NCKAP5: variants seen among roughly 807,000 people sequenced by gnomAD.
The protein encoded by NCKAP5 is NCK associated protein 5.
In NCKAP5, 92 loss-of-function variants were observed where a neutral mutation model predicts 167.0. The ratio of observed to expected loss-of-function variants is 0.55; its 90% confidence interval spans 0.47 to 0.66. NCKAP5 has a LOEUF of 0.66. Among genes scored for constraint, NCKAP5 ranks in the 30% least tolerant of loss-of-function variants. The probability of loss-of-function intolerance (pLI) is 0.00; values close to 1 mark genes in which losing one functional copy is unlikely to be tolerated. For missense variants in NCKAP5, 2,378 were observed against 2,315.0 expected (o/e 1.03, Z -0.56); for synonymous variants, 891 against 877.4 (o/e 1.02, Z -0.27).
At chr2:133,060,148 T>C (rs2079948785) in intron 6 of NCKAP5, among the ~76,000 whole-genome samples, 1 of 152,208 alleles carries the variant, frequency 6.6e-6, no homozygotes, top group Non-Finnish European at 1.5e-5. Context: ...GAAAATCATC[T>C]CAAGAGCTGA....
chr2:133,647,419 G>GGAAGGAAGGA, the NCKAP5 span, among the ~76,000 whole-genome samples: 1 of 94,948 alleles, frequency 1.1e-5, no homozygotes, highest in East Asian at 3.5e-4. Flanking sequence ...AAGGAAGGAA[G>GGAAGGAAGGA]AGAAAGAAAG....
At chr2:133,317,137 G>A (rs993664176) in intron 3 of NCKAP5, among the ~76,000 whole-genome samples, 1 of 152,118 alleles carries the variant, frequency 6.6e-6, no homozygotes, top group South Asian at 2.1e-4. Context: ...AAATAAACGT[G>A]TATCACCAAT....
chr2:132,684,120 A>G (rs1290997754), intron 19 of NCKAP5, among the ~76,000 whole-genome samples: 3 of 152,230 alleles, frequency 2.0e-5, no homozygotes, highest in Non-Finnish European at 4.4e-5. Flanking sequence ...TGCTACAATA[A>G]AAATAAACTT....
At chr2:133,481,010 A>C (rs575507967) in intron 3 of NCKAP5, among the ~76,000 whole-genome samples, 25 of 152,228 alleles carry the variant, frequency 1.6e-4, no homozygotes, top group Non-Finnish European at 4.4e-5. Context: ...CCACCAAAAA[A>C]CCCGAACTGA....
the NCKAP5 span, among the ~76,000 whole-genome samples, chr2:133,644,989 A>C: frequency 6.6e-6 from 1 of 152,204 alleles, no homozygotes; most frequent in Non-Finnish European, 1.5e-5. Context: ...CTAGCACATA[A>C]ATATAAAAGC....
intron 10 of NCKAP5, among the ~76,000 whole-genome samples, chr2:132,860,986 G>T (rs1012742151): frequency 6.6e-6 from 1 of 152,052 alleles, no homozygotes; most frequent in Non-Finnish European, 1.5e-5. Context: ...CAGTGTTTCT[G>T]CAGGGAATAG....
At chr2:133,086,006 C>T (rs2080977949) in intron 6 of NCKAP5, among the ~76,000 whole-genome samples, 1 of 152,136 alleles carries the variant, frequency 6.6e-6, no homozygotes, top group African/African-American at 2.4e-5. Flanking sequence ...TCAATACTTG[C>T]TACCAGAATC....
At chr2:133,047,575 GA>G (rs1559085030) in intron 6 of NCKAP5, among the ~76,000 whole-genome samples, 1 of 152,182 alleles carries the variant, frequency 6.6e-6, no homozygotes, top group African/African-American at 2.4e-5. Flanking sequence ...CTTTAAACCT[GA>G]AAAGCCTCAT....
At position 132,950,894 on chromosome 2, in the gene NCKAP5, A is replaced by G. The variant is rs957855273; in HGVS notation, c.579+12826T>C. On this transcript the variant is annotated intron_variant, in intron 8 of 19. Coordinates refer to ENST00000409261, the MANE Select transcript of NCKAP5 (RefSeq NM_207363.3). The stretch of plus-strand genomic sequence containing the variant: ...AGGAACCTAAGAAGCAAAAAACAAA[A>G]CAAAGCAAAACAAAACAGAAACAGA... Among the ~76,000 whole-genome samples, 3 of 152,162 alleles carry G rather than the reference A, an allele frequency of 2.0e-5. No individual in the cohort carries two copies. The East Asian group carries it at 5.8e-4, about 29-fold the overall frequency.
At position 132,784,937 on chromosome 2, in the gene NCKAP5, T is replaced by C; in HGVS notation, c.1874A>G (p.Lys625Arg). 1 of 1,599,562 alleles carries C rather than the reference T, an allele frequency of 6.3e-7. No individual in the cohort carries two copies. The highest frequency in any genetic ancestry group is 2.2e-5 in the East Asian group (1 of 44,750). Residue 625 changes from lysine (K) to arginine (R), a missense_variant, in exon 14 of 20, where the codon AAA becomes AGA. This residue lies in a region of NCKAP5 where 1,049 missense variants were observed against 1,023.4 expected (regional missense o/e 1.02). Transcript: ENST00000409261. ...ENLDVLVGFG[K>R]SLCGSPEEEE... ...CTCTTCAGGAGACCCACATAGAGAT[T>C]TTCCAAACCCCACAAGGACATCCAG...
chr2:133,492,143 T>TTGTGTGTG (rs780998843), intron 3 of NCKAP5, among the ~76,000 whole-genome samples: 6,977 of 84,494 alleles, frequency 0.083, 291 homozygotes, highest in Non-Finnish European at 0.11. Context: ...CATATCTAGT[T>TTGTGTGTG]AGTGTGTGTG....
intron 10 of NCKAP5, among the ~76,000 whole-genome samples, chr2:132,864,233 C>T (rs962911203): frequency 6.6e-6 from 1 of 151,992 alleles, no homozygotes; most frequent in Admixed American, 6.5e-5. Context: ...TGTATCAGAC[C>T]TCAAGAAAGA....
At chr2:133,330,244 ATTT>A (rs765058418) in intron 3 of NCKAP5, among the ~76,000 whole-genome samples, 74 of 88,152 alleles carry the variant, frequency 8.4e-4, no homozygotes, top group Admixed American at 7.0e-3. Flanking sequence ...TATTTTTTGT[ATTT>A]TTTTTTTTTT....
intron 6 of NCKAP5, among the ~76,000 whole-genome samples, chr2:133,103,127 T>G (rs994440986): frequency 6.6e-6 from 1 of 152,238 alleles, no homozygotes; most frequent in African/African-American, 2.4e-5. Context: ...ATTACATATT[T>G]TTACATATTT....
intron 4 of NCKAP5, among the ~76,000 whole-genome samples, chr2:133,264,484 G>C (rs573488808): frequency 6.6e-6 from 1 of 152,294 alleles, no homozygotes; most frequent in South Asian, 2.1e-4. Context: ...TTTGGGTCTT[G>C]TCTTTGCTCC....
At chr2:133,147,127 G>A (rs1338421868) in intron 5 of NCKAP5, among the ~76,000 whole-genome samples, 2 of 152,096 alleles carry the variant, frequency 1.3e-5, no homozygotes, top group Admixed American at 6.6e-5. Context: ...CCAAGTGGAC[G>A]GACAAACACT....
At chr2:133,216,399 T>C (rs184161678) in intron 4 of NCKAP5, among the ~76,000 whole-genome samples, 245 of 152,228 alleles carry the variant, frequency 1.6e-3, no homozygotes, top group African/African-American at 5.8e-3. Context: ...TAAAACAAAG[T>C]TGAACCAAAA....
intron 6 of NCKAP5, among the ~76,000 whole-genome samples, chr2:133,071,935 T>C (rs2080421803): frequency 6.6e-6 from 1 of 152,184 alleles, no homozygotes; most frequent in Non-Finnish European, 1.5e-5. Flanking sequence ...ATTGAGTGTA[T>C]TAAATGAACT....
intron 3 of NCKAP5, among the ~76,000 whole-genome samples, chr2:133,476,911 A>G (rs973232893): frequency 1.3e-5 from 2 of 152,238 alleles, no homozygotes; most frequent in African/African-American, 4.8e-5. Context: ...ACAGCTTCTC[A>G]TCATGAGTTA....
Sources: gnomAD v4.1 joint callset for allele counts (sites outside exome capture counted in the v4.1 genomes callset) on GRCh38, gnomAD v4.1.1 for gene constraint, gnomAD v4.1.1 regional missense constraint, MANE v1.5 for transcripts, NCBI Gene and HGNC (gene_info 2026-07-23, HGNC 2026-07-21) for gene names.